The following BRWD3 variants were observed in gnomAD, a reference collection of about 807,000 sequenced individuals.
The protein encoded by BRWD3 is bromodomain and WD repeat-containing protein 3.
In BRWD3, 10 loss-of-function variants were observed where a neutral mutation model predicts 149.7. The ratio of observed to expected loss-of-function variants is 0.07; its 90% CI spans 0.04 to 0.11. BRWD3 has a LOEUF of 0.11. BRWD3 is among the 10% of genes least tolerant of loss of function. The pLI is 1.00. For synonymous variants in BRWD3, 504 were observed against 456.7 expected (o/e 1.10, Z -1.32); for missense variants, 940 against 1,373.2 (o/e 0.68, Z 4.99).
intron 4 of BRWD3, 128 bp from the exon 5 acceptor site, chrX:80,793,900 T>A (rs1287209200): frequency 2.8e-6 from 2 of 710,765 alleles, no homozygotes; most frequent in African/African-American, 2.1e-5. Context: ...GAATCAGGCC[T>A]GGGCGCGATG....
At position 80,674,322 on chromosome X, in the gene BRWD3, A is replaced by T. The variant is rs2072345435; in HGVS notation, c.*2287T>A. 1 of 111,764 alleles carries T rather than the reference A, an allele frequency of 8.9e-6. No homozygotes were observed. Among genetic ancestry groups the T allele is most frequent in the Admixed American group, 9.5e-5 (1 of 10,524 alleles). 9.2% of individuals were successfully genotyped at this position (111,764 alleles called of 1,213,427 possible). ...TAAATGTGGCATTTTTATTTTTCAA[A>T]ATAAATTATAAATAAAGCTCCAGAT... On this transcript the variant is annotated 3_prime_UTR_variant, in exon 41 of 41. Transcript: ENST00000373275.
Position 80,809,803 on chromosome X carries a change from GACGCGGGGGGTGGGGGGGC to G in BRWD3, c.-351_-333del, listed in dbSNP as rs2074394527. 1 of 150,086 alleles carries G rather than the reference GACGCGGGGGGTGGGGGGGC, an allele frequency of 6.7e-6. No individual in the cohort carries two copies. Among genetic ancestry groups the G allele is most frequent in the Non-Finnish European group, 1.2e-5 (1 of 86,871 alleles). The allele number at this position is 150,086 out of a possible 1,213,427, so 12.4% of individuals were successfully genotyped here. ...AGAGAGAGAGAGAGAGAGAGAGAGA[GACGCGGGGGGTGGGGGGGC>G]GGAGAGAGAGAGAGAGAGAGAGATA... On this transcript the variant is annotated 5_prime_UTR_variant, in exon 1 of 41. Coordinates refer to ENST00000373275, the MANE Select transcript of BRWD3 (RefSeq NM_153252.5).
At chrX:80,745,466 C>CA (rs2073579553) in intron 7 of BRWD3, 103 bp downstream of exon 7, 1 of 801,680 alleles carries the variant, frequency 1.2e-6, no homozygotes, top group Non-Finnish European at 1.8e-6. Flanking sequence ...CCCATATATC[C>CA]AAAAAAAGTG....
chrX:80,802,442 TAAAAAAAAAA>T (rs760675783), intron 4 of BRWD3, among the ~76,000 whole-genome samples: 3 of 48,902 alleles, frequency 6.1e-5, no homozygotes, highest in Non-Finnish European at 1.1e-4. Context: ...ACTCTCATCT[TAAAAAAAAAA>T]AAAAAAAAAA....
intron 37 of BRWD3, among the ~76,000 whole-genome samples, chrX:80,683,406 A>G (rs1348649717): frequency 9.0e-6 from 1 of 111,197 alleles, no homozygotes; most frequent in Non-Finnish European, 1.9e-5. Flanking sequence ...ATCAGGATCA[A>G]GGGGGAGGGG....
chrX:80,693,305 A>G (rs1309456029), intron 27 of BRWD3, among the ~76,000 whole-genome samples: 1 of 112,131 alleles, frequency 8.9e-6, no homozygotes, highest in Non-Finnish European at 1.9e-5. Context: ...GCATAATTTA[A>G]CTTTTTTCAA....
chrX:80,773,081 C>G (rs1193637676), intron 6 of BRWD3, among the ~76,000 whole-genome samples: 4 of 112,000 alleles, frequency 3.6e-5, no homozygotes, highest in East Asian at 5.6e-4. Flanking sequence ...GTAGGGGAGT[C>G]ACGCAGGAGG....
At chrX:80,803,844 C>G (rs2074325580) in intron 4 of BRWD3, among the ~76,000 whole-genome samples, 1 of 112,188 alleles carries the variant, frequency 8.9e-6, no homozygotes, top group Non-Finnish European at 1.9e-5. Flanking sequence ...ACAATTTAAG[C>G]TATTATTAGT....
Position 80,676,829 on chromosome X carries a change from T to C in BRWD3, c.5189A>G (p.Asp1730Gly). 1 of 1,211,357 alleles carries C rather than the reference T, an allele frequency of 8.3e-7. No individual in the cohort carries two copies. The highest frequency in any genetic ancestry group is 1.1e-6 in the Non-Finnish European group (1 of 895,428). Residue 1730 changes from aspartate (D) to glycine (G), a missense_variant, in exon 41 of 41, where the codon GAT becomes GGT. Around this residue, in one of 6 missense-constraint regions of BRWD3, gnomAD observed 349 missense variants for 419.6 expected, o/e 0.83. Coordinates refer to ENST00000373275, the MANE Select transcript of BRWD3 (RefSeq NM_153252.5). ...ATRAKRARIA[D>G]DEFDTMFSGR... Reference sequence around the variant, plus strand: ...TGAAAACATGGTATCAAATTCATCATCTGCAATACGTGCTCGTTTGGCTCT... The same window carrying C: ...TGAAAACATGGTATCAAATTCATCACCTGCAATACGTGCTCGTTTGGCTCT...
chrX:80,793,574 C>G, intron 5 of BRWD3, 48 bp downstream of exon 5: 1 of 1,158,675 alleles, frequency 8.6e-7, no homozygotes, highest in Middle Eastern at 2.4e-4. Context: ...ATAAGCTACT[C>G]TCCACTCCTT....
At chrX:80,689,895 A>G in intron 32 of BRWD3, 49 bp from the exon 33 acceptor site, 1 of 1,167,810 alleles carries the variant, frequency 8.6e-7, no homozygotes, top group South Asian at 1.9e-5. Flanking sequence ...ACAATTTTTC[A>G]ATTAATTTTT....
In BRWD3 at chrX:80,791,950, A is replaced by G. The variant is rs753746923; in HGVS notation, c.334T>C (p.Cys112Arg). The change falls in exon 6 of 41, where the codon TGT (cysteine) becomes CGT (arginine). Residue 112 changes from cysteine (C) to arginine (R), a missense_variant and splice_region_variant. By Grantham distance (180) the Cys-to-Arg change is radical (BLOSUM62 -3). Transcript: ENST00000373275. ...GACCCATTCCATAGTGTACTCTTACAGTCTATATAAAAAGAACAAAGGTTG... is the reference window on the plus strand; with the variant it reads ...GACCCATTCCATAGTGTACTCTTACGGTCTATATAAAAAGAACAAAGGTTG... Reference protein sequence around the residue: ...RQSLLRDAKDCKSTLWNGSAF... With the variant: ...RQSLLRDAKDRKSTLWNGSAF... 8.5e-7 allele frequency: 1 copy of G among 1,181,273 alleles called. No individual in the cohort carries two copies. The highest frequency in any genetic ancestry group is 1.1e-6 in the Non-Finnish European group (1 of 871,013).
intron 26 of BRWD3, among the ~76,000 whole-genome samples, 183 bp downstream of exon 26, chrX:80,696,556 A>ACT (rs1278357288): frequency 2.7e-5 from 3 of 109,555 alleles, no homozygotes; most frequent in Non-Finnish European, 5.7e-5. Flanking sequence ...ACACACACAC[A>ACT]CACACACAAA....
At chrX:80,773,257 T>C (rs930391100) in intron 6 of BRWD3, among the ~76,000 whole-genome samples, 1 of 111,417 alleles carries the variant, frequency 9.0e-6, no homozygotes, top group Non-Finnish European at 1.9e-5. Context: ...GGACATCTGA[T>C]ATGACCACAA....
intron 6 of BRWD3, among the ~76,000 whole-genome samples, chrX:80,783,828 G>T (rs1446281707): frequency 9.0e-6 from 1 of 111,696 alleles, no homozygotes; most frequent in Non-Finnish European, 1.9e-5. Context: ...AGCACAGAAA[G>T]ACAAACTTTA....
At chrX:80,776,826 A>T (rs2147835344) in intron 6 of BRWD3, among the ~76,000 whole-genome samples, 2 of 111,358 alleles carry the variant, frequency 1.8e-5, no homozygotes, top group Middle Eastern at 4.6e-3. Context: ...TCCGTAGTTA[A>T]TTCCCACTTG....
intron 24 of BRWD3, 118 bp from the exon 25 acceptor site, chrX:80,700,182 A>T (rs1673793200): frequency 1.8e-6 from 1 of 560,981 alleles, no homozygotes. Context: ...TAATATTGAA[A>T]GACTTTATAC....
At chrX:80,693,253 A>C (rs983702331) in intron 27 of BRWD3, among the ~76,000 whole-genome samples, 7 of 112,272 alleles carry the variant, frequency 6.2e-5, no homozygotes, top group Non-Finnish European at 1.3e-4. Context: ...AATCTTTCTG[A>C]AATAAATTAC....
intron 6 of BRWD3, among the ~76,000 whole-genome samples, chrX:80,780,748 G>C (rs1411916925): frequency 8.9e-6 from 1 of 112,080 alleles, no homozygotes; most frequent in African/African-American, 3.2e-5. Flanking sequence ...TAAGTAGAGT[G>C]AGGCAGGCCA....
Sources: gnomAD v4.1 joint callset for allele counts (sites outside exome capture counted in the v4.1 genomes callset) on GRCh38, gnomAD v4.1.1 for gene constraint, gnomAD v4.1.1 regional missense constraint, MANE v1.5 for transcripts, NCBI Gene and HGNC (gene_info 2026-07-23, HGNC 2026-07-21) for gene names.